Variants in KCNN2 observed in about 807,000 individuals in gnomAD.
The protein encoded by KCNN2 is small conductance calcium-activated potassium channel protein 2.
KCNN2 carries 24 observed loss-of-function variants against 55.5 expected under a neutral mutation model. The ratio of observed to expected loss-of-function variants is 0.43; its 90% CI spans 0.31 to 0.61. The LOEUF is 0.61. Ranked by LOEUF, KCNN2 falls within the 20% of genes least tolerant of loss-of-function variation. KCNN2 has a pLI of 0.08. For synonymous variants in KCNN2, 431 were observed against 336.1 expected (o/e 1.28, Z -3.09); for missense variants, 754 against 853.6 (o/e 0.88, Z 1.45).
At chr5:114,331,524 G>T (rs917788820) in intron 2 of KCNN2, among the ~76,000 whole-genome samples, 3 of 152,172 alleles carry the variant, frequency 2.0e-5, no homozygotes, top group Non-Finnish European at 4.4e-5. Context: ...GTAGTGTTAA[G>T]GGGATGTGAT....
At chr5:114,130,719 T>G (rs1047883450) in intron 1 of KCNN2, among the ~76,000 whole-genome samples, 1 of 152,184 alleles carries the variant, frequency 6.6e-6, no homozygotes, top group Admixed American at 6.5e-5. Context: ...CTTCATAATT[T>G]TTTTTCCTCT....
chr5:114,411,659 GGAGA>G (rs370724280), intron 3 of KCNN2, among the ~76,000 whole-genome samples: 1 of 151,896 alleles, frequency 6.6e-6, no homozygotes, highest in South Asian at 2.1e-4. Context: ...CCCAGCTCCA[GGAGA>G]GAGAGAGAGG....
At chr5:114,064,614 A>T (rs1323366198) in intron 1 of KCNN2, among the ~76,000 whole-genome samples, 1 of 152,186 alleles carries the variant, frequency 6.6e-6, no homozygotes, top group East Asian at 1.9e-4. Flanking sequence ...TATGCAGGAA[A>T]GGTCTTTCTC....
chr5:114,387,587 C>T (rs1319255932), intron 2 of KCNN2, among the ~76,000 whole-genome samples: 2 of 152,188 alleles, frequency 1.3e-5, no homozygotes, highest in Non-Finnish European at 2.9e-5. Flanking sequence ...TCATGTATCA[C>T]ATGCTTCTGG....
At chr5:114,109,964 A>C (rs1254836637) in intron 1 of KCNN2, among the ~76,000 whole-genome samples, 1 of 152,058 alleles carries the variant, frequency 6.6e-6, no homozygotes, top group Non-Finnish European at 1.5e-5. Context: ...AGAGGTGATT[A>C]GTCCATGAGG....
intron 1 of KCNN2, among the ~76,000 whole-genome samples, chr5:114,060,812 T>A (rs573043302): frequency 3.3e-5 from 5 of 152,350 alleles, no homozygotes; most frequent in Admixed American, 2.0e-4. Flanking sequence ...AAGGGCACAG[T>A]GGAAATTCAG....
chr5:114,363,369 T>G, intron 1 of KCNN2, 108 bp downstream of exon 1: 3 of 1,341,980 alleles, frequency 2.2e-6, no homozygotes, highest in East Asian at 2.5e-5. Context: ...TCCGGGACGA[T>G]CAAGGGAGCC....
intron 2 of KCNN2, among the ~76,000 whole-genome samples, chr5:114,395,943 T>C (rs1758600829): frequency 6.6e-6 from 1 of 152,222 alleles, no homozygotes; most frequent in Non-Finnish European, 1.5e-5. Flanking sequence ...ATTACCCAAA[T>C]AACAGTTTTC....
At chr5:114,235,375 T>C (rs970438745) in intron 2 of KCNN2, among the ~76,000 whole-genome samples, 3 of 152,228 alleles carry the variant, frequency 2.0e-5, no homozygotes, top group Non-Finnish European at 4.4e-5. Flanking sequence ...AGTAAATGTT[T>C]TAATGGAACT....
intron 2 of KCNN2, among the ~76,000 whole-genome samples, chr5:114,394,237 T>C (rs1051556269): frequency 2.0e-5 from 3 of 152,168 alleles, no homozygotes; most frequent in Admixed American, 1.3e-4. Context: ...CTTCTTATGA[T>C]TGAGGTTGGG....
intron 4 of KCNN2, 67 bp downstream of exon 4, chr5:114,463,257 A>C (rs1322361092): frequency 3.9e-6 from 5 of 1,275,328 alleles, no homozygotes; most frequent in Non-Finnish European, 5.5e-6. Flanking sequence ...CACTCAGTCC[A>C]CGTGCATAAG....
chr5:114,296,330 C>A (rs1561560337), intron 2 of KCNN2, among the ~76,000 whole-genome samples: 1 of 152,192 alleles, frequency 6.6e-6, no homozygotes, highest in Non-Finnish European at 1.5e-5. Flanking sequence ...GTGAGTTCAT[C>A]CTCATGTCTG....
chr5:114,151,529 A>AAG (rs1460257911), intron 1 of KCNN2, among the ~76,000 whole-genome samples: 3 of 152,066 alleles, frequency 2.0e-5, no homozygotes, highest in East Asian at 1.9e-4. Flanking sequence ...AAGCACATGA[A>AAG]AGAGAGAGAG....
intron 1 of KCNN2, among the ~76,000 whole-genome samples, chr5:114,166,901 A>G (rs1029657506): frequency 4.6e-5 from 7 of 152,082 alleles, no homozygotes; most frequent in Admixed American, 3.3e-4. Flanking sequence ...GCCCTCCACT[A>G]TTTGAGGATA....
rs1281545926 is a variant in KCNN2 at position 114,171,671 on chromosome 5, C to T, written c.-270-49809C>T. 3.6e-5 allele frequency among the ~76,000 whole-genome samples: 3 copies of T among 82,962 alleles called. No individual in the cohort carries two copies. The Admixed American group carries it at 5.0e-4, about 14-fold the overall frequency. The allele number at this position is 82,962 out of a possible 152,430, so 54.4% of individuals were successfully genotyped here. The stretch of plus-strand genomic sequence containing the variant: ...TGTGGAATTCCAGAGCCTCGCTTTT[C>T]TTATATGCTTTTTTTTTTTGAGAAC... On this transcript the variant is annotated intron_variant, in intron 1 of 10. Coordinates refer to the KCNN2 transcript ENST00000512097.
chr5:114,448,145 A>T (rs1324940105), intron 3 of KCNN2, among the ~76,000 whole-genome samples: 1 of 151,726 alleles, frequency 6.6e-6, no homozygotes, highest in Admixed American at 6.6e-5. Flanking sequence ...AGTTATTTTC[A>T]CTCTTTTATT....
intron 1 of KCNN2, among the ~76,000 whole-genome samples, chr5:114,165,053 TA>T (rs1752880489): frequency 6.6e-6 from 1 of 152,188 alleles, no homozygotes; most frequent in Non-Finnish European, 1.5e-5. Flanking sequence ...AAGCAAGTGT[TA>T]AAGGTCGGAT....
chr5:114,367,927 G>A (rs1262440483), intron 2 of KCNN2, among the ~76,000 whole-genome samples: 2 of 152,296 alleles, frequency 1.3e-5, no homozygotes, highest in East Asian at 1.9e-4. Flanking sequence ...TGGTTCTCAT[G>A]GGTCCTGGAA....
intron 2 of KCNN2, among the ~76,000 whole-genome samples, chr5:114,306,565 T>C (rs1056390483): frequency 6.6e-6 from 1 of 152,308 alleles, no homozygotes; most frequent in East Asian, 1.9e-4. Flanking sequence ...ACTAATGATA[T>C]GTAGCTCAAT....
Sources: allele counts gnomAD v4.1 joint callset (sites outside exome capture counted in the v4.1 genomes callset), GRCh38; gene constraint gnomAD v4.1.1; transcripts MANE v1.5; gene names NCBI Gene and HGNC (gene_info 2026-07-23, HGNC 2026-07-21).